Variants in MAD1L1 observed in about 807,000 individuals in gnomAD.
The protein encoded by MAD1L1 is mitotic spindle assembly checkpoint protein MAD1.
MAD1L1 carries 95 observed loss-of-function variants against 96.9 expected under a neutral mutation model. The ratio of observed to expected loss-of-function variants is 0.98; its 90% CI spans 0.83 to 1.16. The LOEUF is 1.16. Ranked by LOEUF, MAD1L1 falls within the 50% of genes most tolerant of loss-of-function variation. MAD1L1 has a pLI of 0.00. For missense variants in MAD1L1, 1,007 were observed against 954.4 expected (o/e 1.06, Z -0.73); for synonymous variants, 473 against 396.6 (o/e 1.19, Z -2.29).
intron 17 of MAD1L1, among the ~76,000 whole-genome samples, chr7:1,914,666 A>G (rs2128452390): frequency 6.6e-6 from 1 of 152,292 alleles, no homozygotes; most frequent in South Asian, 2.1e-4. Flanking sequence ...CAGGGTAGCG[A>G]ACAGGGGTGC....
rs1038824605 is a variant in MAD1L1, at chr7:1,968,877, CGGT to C, written c.1506-11161_1506-11159del. 1.3e-5 allele frequency among the ~76,000 whole-genome samples: 2 copies of C among 152,200 alleles called. No homozygotes were observed. The highest frequency in any genetic ancestry group is 4.8e-5 in the African/African-American group (2 of 41,434). On this transcript the variant is annotated intron_variant, in intron 15 of 18. Coordinates refer to ENST00000265854, the MANE Select transcript of MAD1L1 (RefSeq NM_001013836.2). This position sits in a 1 kb window ranked among gnomAD's most constrained non-coding sequence, Gnocchi z 5.6. ...AGAGATGTGACGACTAAAATCAACA[CGGT>C]GCCCTGGCTGCAACATGCAGGAAAG...
intron 11 of MAD1L1, among the ~76,000 whole-genome samples, chr7:2,135,245 C>T (rs935405647): frequency 2.0e-5 from 3 of 152,276 alleles, no homozygotes; most frequent in African/African-American, 2.4e-5. Context: ...CACACCTGTG[C>T]GGGGCCAGAC....
At chr7:2,126,810 C>G (rs1788255379) in intron 11 of MAD1L1, among the ~76,000 whole-genome samples, 1 of 152,226 alleles carries the variant, frequency 6.6e-6, no homozygotes, top group Non-Finnish European at 1.5e-5. Flanking sequence ...CAGGCAGGTG[C>G]TCACTGACAC....
intron 15 of MAD1L1, among the ~76,000 whole-genome samples, chr7:1,978,137 G>C (rs559701000): frequency 6.6e-6 from 1 of 152,348 alleles, no homozygotes; most frequent in South Asian, 2.1e-4. Flanking sequence ...TCTGCTGCTG[G>C]TCCCAGCTCC....
At chr7:2,211,423 G>A (rs1399738528) in intron 10 of MAD1L1, among the ~76,000 whole-genome samples, 5 of 152,248 alleles carry the variant, frequency 3.3e-5, no homozygotes, top group Admixed American at 1.3e-4. Flanking sequence ...AGCCAGCTGT[G>A]CCAGGTCTCG....
intron 10 of MAD1L1, among the ~76,000 whole-genome samples, chr7:2,203,075 T>C (rs559324654): frequency 4.5e-4 from 67 of 149,326 alleles, no homozygotes; most frequent in Non-Finnish European, 8.6e-4. Flanking sequence ...CCTCACCCCC[T>C]CAGGCCTGCC....
chr7:1,953,958 A>G (rs1267851836), intron 16 of MAD1L1, among the ~76,000 whole-genome samples: 2 of 152,146 alleles, frequency 1.3e-5, no homozygotes, highest in African/African-American at 2.4e-5. Context: ...TGTCCTGCCC[A>G]GTGCGGCCTC....
intron 10 of MAD1L1, among the ~76,000 whole-genome samples, chr7:2,162,754 T>C (rs1562743869): frequency 2.0e-5 from 3 of 146,880 alleles, no homozygotes; most frequent in Non-Finnish European, 4.5e-5. Flanking sequence ...GTTGGCTAAG[T>C]GAGGAATCAA....
At chr7:1,919,814 A>C (rs561013207) in intron 17 of MAD1L1, among the ~76,000 whole-genome samples, 1 of 152,338 alleles carries the variant, frequency 6.6e-6, no homozygotes, top group East Asian at 1.9e-4. Context: ...CCCCTCCTCC[A>C]TCAGCTCAGG....
chr7:2,055,755 G>A (rs1584206378), intron 12 of MAD1L1, among the ~76,000 whole-genome samples: 1 of 151,492 alleles, frequency 6.6e-6, no homozygotes, highest in Non-Finnish European at 1.5e-5. Flanking sequence ...GAGGTGGGTG[G>A]ATCACTTGAG....
At chr7:1,919,090 A>G (rs983748220) in intron 17 of MAD1L1, among the ~76,000 whole-genome samples, 7 of 152,220 alleles carry the variant, frequency 4.6e-5, no homozygotes, top group African/African-American at 9.6e-5. Flanking sequence ...GTTCAGTCCC[A>G]GGAGTCTGCA....
At position 2,146,050 on chromosome 7, in the gene MAD1L1, G is replaced by A. The variant is rs772891122; in HGVS notation, c.1073+3102C>T. 2.2e-4 allele frequency among the ~76,000 whole-genome samples: 33 copies of A among 152,234 alleles called. No homozygotes were observed. Among genetic ancestry groups the A allele is most frequent in the Admixed American group, 7.2e-4 (11 of 15,290 alleles). On this transcript the variant is annotated intron_variant, in intron 11 of 18. Transcript: ENST00000265854. The surrounding 1 kb of genome is among the most constrained non-coding windows in gnomAD (Gnocchi z 6.2). ...CACCCAGGAAGTGCATCAAGACTGC[G>A]TGGTGTAGGCTGCTCACAGCGGCAC... is the stretch of plus-strand genomic sequence containing the variant.
At chr7:1,867,025 G>A (rs922541592) in intron 18 of MAD1L1, among the ~76,000 whole-genome samples, 6 of 152,214 alleles carry the variant, frequency 3.9e-5, no homozygotes, top group Non-Finnish European at 7.3e-5. Context: ...GCTCCTGACC[G>A]CAGAGTGGGT....
chr7:2,063,782 AAC>A (rs1784763481), intron 12 of MAD1L1, among the ~76,000 whole-genome samples: 2 of 152,110 alleles, frequency 1.3e-5, no homozygotes, highest in African/African-American at 4.8e-5. Context: ...CGGCCACCAG[AAC>A]ACACTCCTTC....
intron 15 of MAD1L1, among the ~76,000 whole-genome samples, chr7:1,978,653 G>C (rs144996800): frequency 6.6e-6 from 1 of 150,562 alleles, no homozygotes; most frequent in Non-Finnish European, 1.5e-5. Context: ...CCATCAACCC[G>C]AAGACCACAC....
intron 18 of MAD1L1, among the ~76,000 whole-genome samples, chr7:1,887,821 ATGTG>A (rs1786193937): frequency 3.3e-5 from 1 of 30,026 alleles, no homozygotes; most frequent in African/African-American, 1.9e-4. Context: ...GTGTGTGTGC[ATGTG>A]TGCATGTATG....
intron 18 of MAD1L1, among the ~76,000 whole-genome samples, chr7:1,832,630 T>TTTTTGGGGGGGGGGG (rs56664541): frequency 4.3e-4 from 1 of 2,346 alleles, no homozygotes; most frequent in African/African-American, 1.8e-3. Context: ...TTTTTTTTTT[T>TTTTTGGGGGGGGGGG]GGCGGGGGGG....
intron 10 of MAD1L1, among the ~76,000 whole-genome samples, chr7:2,153,666 A>C (rs1400865270): frequency 6.6e-6 from 1 of 152,206 alleles, no homozygotes; most frequent in East Asian, 1.9e-4. Context: ...TGAAAACAGA[A>C]CACCACCACA....
At chr7:1,910,750 G>A (rs1283613302) in intron 17 of MAD1L1, among the ~76,000 whole-genome samples, 2 of 152,180 alleles carry the variant, frequency 1.3e-5, no homozygotes, top group Admixed American at 6.5e-5. Context: ...CCTGTCCGGG[G>A]CAGGAACACG....
Sources: allele counts gnomAD v4.1 joint callset (sites outside exome capture counted in the v4.1 genomes callset), GRCh38; gene constraint gnomAD v4.1.1; non-coding constraint Gnocchi (gnomAD v3.1); transcripts MANE v1.5; gene names NCBI Gene and HGNC (gene_info 2026-07-23, HGNC 2026-07-21).